The following PFDN1 variants were observed in gnomAD, a reference collection of about 807,000 sequenced individuals.
The protein encoded by PFDN1 is prefoldin 1.
Under a neutral mutation model 17.3 loss-of-function variants are expected in PFDN1, and 6 were observed. That is an observed-to-expected ratio of 0.35 (90% CI 0.19 to 0.69). PFDN1 has a LOEUF of 0.69. Among genes scored for constraint, PFDN1 ranks in the 30% least tolerant of loss-of-function variants. PFDN1 has a pLI of 0.65. For synonymous variants in PFDN1, 58 were observed against 50.1 expected, an observed-to-expected ratio of 1.16 and a Z score of -0.67; for missense variants, 113 against 146.2, an observed-to-expected ratio of 0.77 and a Z score of 1.17.
intron 3 of PFDN1, among the ~76,000 whole-genome samples, chr5:140,249,861 C>T (rs1764887586): frequency 6.6e-6 from 1 of 152,158 alleles, no homozygotes; most frequent in African/African-American, 2.4e-5. Flanking sequence ...GAAACCCGCC[C>T]CCATAATCCA....
intron 2 of PFDN1, 53 bp from the exon 3 acceptor site, chr5:140,281,586 G>A (rs938215154): frequency 1.5e-5 from 13 of 846,130 alleles, no homozygotes; most frequent in African/African-American, 1.2e-4. Flanking sequence ...TGAATTCATC[G>A]AAATCAATAG....
intron 2 of PFDN1, among the ~76,000 whole-genome samples, chr5:140,298,656 T>G (rs1482962258): frequency 1.3e-5 from 2 of 152,046 alleles, no homozygotes; most frequent in African/African-American, 4.8e-5. Context: ...AATAATGTAT[T>G]AATTAGAACA....
intron 1 of PFDN1, among the ~76,000 whole-genome samples, chr5:140,300,939 C>CTTG (rs1268722257): frequency 1.1e-4 from 16 of 152,112 alleles, no homozygotes; most frequent in African/African-American, 3.9e-4. Context: ...TTGTATTGCA[C>CTTG]AATTAGGTTT....
chr5:140,299,595 CAAA>C (rs35272103), intron 2 of PFDN1, among the ~76,000 whole-genome samples: 2 of 91,232 alleles, frequency 2.2e-5, no homozygotes, highest in East Asian at 3.2e-4. Context: ...GACTCTGTCT[CAAA>C]AAAAAAAAAA....
intron 3 of PFDN1, among the ~76,000 whole-genome samples, chr5:140,262,282 C>T (rs1477342636): frequency 6.6e-6 from 1 of 152,182 alleles, no homozygotes; most frequent in Non-Finnish European, 1.5e-5. Flanking sequence ...GAGTATCCAA[C>T]TACAGCATAA....
At chr5:140,260,155 T>A (rs958734329) in intron 3 of PFDN1, among the ~76,000 whole-genome samples, 10 of 151,826 alleles carry the variant, frequency 6.6e-5, no homozygotes, top group Admixed American at 2.0e-4. Flanking sequence ...CTGGGCAACA[T>A]AGCAAGACCT....
chr5:140,292,105 T>C (rs568005974), intron 2 of PFDN1, among the ~76,000 whole-genome samples: 17 of 152,326 alleles, frequency 1.1e-4, no homozygotes, highest in Non-Finnish European at 2.4e-4. Flanking sequence ...GGGTTACTAT[T>C]TGGTATTCTA....
chr5:140,248,119 A>C (rs1024655390), intron 3 of PFDN1, among the ~76,000 whole-genome samples: 1 of 145,414 alleles, frequency 6.9e-6, no homozygotes, highest in African/African-American at 2.6e-5. Flanking sequence ...CCCAGGCTGG[A>C]GTGCAATGGC....
intron 3 of PFDN1, among the ~76,000 whole-genome samples, chr5:140,275,955 T>C (rs547171729): frequency 1.3e-5 from 2 of 152,214 alleles, no homozygotes; most frequent in East Asian, 3.9e-4. Context: ...GGCCTTTGTC[T>C]ACAGAGTTGG....
chr5:140,277,727 C>A (rs563534657), intron 3 of PFDN1, among the ~76,000 whole-genome samples: 236 of 148,700 alleles, frequency 1.6e-3, no homozygotes, highest in African/African-American at 5.5e-3. Context: ...GACCCCATCT[C>A]AAATTAAAAA....
chr5:140,278,748 C>T lies in PFDN1; in HGVS notation c.285+2701G>A, dbSNP rs528901018. The stretch of plus-strand genomic sequence containing the variant: ...GAAGATTCATCACATCTCTCAGTAA[C>T]TAAATGAATAAGCAGATGATAATTC... On this transcript the variant is annotated intron_variant, in intron 3 of 3. Transcript: ENST00000261813. Among the ~76,000 whole-genome samples the T allele has an allele frequency of 3.3e-5, 5 of 152,118 alleles. No individual in the cohort carries two copies. The South Asian group carries it at 1.0e-3, about 32-fold the overall frequency.
rs1032477471 is a variant in PFDN1 at position 140,245,623 on chromosome 5, C to A, written c.*351G>T. ...GTTCCATCCCTCTGCTCAAGAAAAC[C>A]AGGCTTAGCAGAGTGGGACAGACGC... On this transcript the variant is annotated 3_prime_UTR_variant, in exon 4 of 4. Coordinates refer to ENST00000261813, the MANE Select transcript of PFDN1 (RefSeq NM_002622.5). 1.4e-6 allele frequency: 1 copy of A among 699,610 alleles called. No individual in the cohort carries two copies. The highest frequency in any genetic ancestry group is 1.7e-5 in the African/African-American group (1 of 57,226). 43.3% of individuals were successfully genotyped at this position (699,610 alleles called of 1,614,324 possible).
At chr5:140,271,549 A>G (rs970500791) in intron 3 of PFDN1, among the ~76,000 whole-genome samples, 9 of 152,224 alleles carry the variant, frequency 5.9e-5, no homozygotes, top group Non-Finnish European at 1.3e-4. Flanking sequence ...GTAGGAAATC[A>G]TCAAGCTAAT....
At chr5:140,275,946 G>A (rs888392268) in intron 3 of PFDN1, among the ~76,000 whole-genome samples, 1 of 152,056 alleles carries the variant, frequency 6.6e-6, no homozygotes, top group African/African-American at 2.4e-5. Flanking sequence ...AAATAGCATG[G>A]CCTTTGTCTA....
At chr5:140,258,165 G>A (rs2126680694) in intron 3 of PFDN1, among the ~76,000 whole-genome samples, 1 of 152,182 alleles carries the variant, frequency 6.6e-6, no homozygotes, top group Middle Eastern at 3.4e-3. Context: ...AATGCCACTG[G>A]GTTTTAAGCA....
intron 2 of PFDN1, chr5:140,281,770 G>C (rs1581093603): frequency 2.5e-6 from 1 of 396,038 alleles, no homozygotes; most frequent in East Asian, 5.7e-5. Context: ...GGGAACAGTG[G>C]TGTGGGCCTA....
intron 3 of PFDN1, among the ~76,000 whole-genome samples, chr5:140,278,204 T>C (rs1159127023): frequency 6.6e-6 from 1 of 150,932 alleles, no homozygotes; most frequent in African/African-American, 2.4e-5. Context: ...CAAGATGCCA[T>C]CTCAAAACAA....
At chr5:140,247,847 T>C (rs1254566091) in intron 3 of PFDN1, among the ~76,000 whole-genome samples, 1 of 151,938 alleles carries the variant, frequency 6.6e-6, no homozygotes, top group Non-Finnish European at 1.5e-5. Flanking sequence ...GGAGAATCAC[T>C]TGAACCCAGG....
chr5:140,256,866 T>G (rs1764995006), intron 3 of PFDN1, among the ~76,000 whole-genome samples: 1 of 152,008 alleles, frequency 6.6e-6, no homozygotes, highest in African/African-American at 2.4e-5. Flanking sequence ...CTCCATCATC[T>G]CTTGCCTGGA....
Sources: allele counts gnomAD v4.1 joint callset (sites outside exome capture counted in the v4.1 genomes callset), GRCh38; gene constraint gnomAD v4.1.1; transcripts MANE v1.5; gene names NCBI Gene and HGNC (gene_info 2026-07-23, HGNC 2026-07-21).